The following CNTNAP2 variants were observed in gnomAD, a reference collection of about 807,000 sequenced individuals.
CNTNAP2 encodes contactin-associated protein-like 2.
CNTNAP2 carries 98 observed loss-of-function variants against 155.2 expected under a neutral mutation model. The ratio of observed to expected loss-of-function variants is 0.63; its 90% CI spans 0.54 to 0.75. The LOEUF (loss-of-function observed/expected upper bound fraction) is 0.75, where lower values mean the gene tolerates loss of function less well. Ranked by LOEUF, CNTNAP2 falls within the 30% of genes least tolerant of loss-of-function variation. CNTNAP2 has a pLI of 0.00. For missense variants in CNTNAP2, 1,727 were observed against 1,688.1 expected (o/e 1.02, Z -0.40); for synonymous variants, 651 against 631.2 (o/e 1.03, Z -0.47).
At chr7:148,101,430 G>A (rs1804097977) in intron 15 of CNTNAP2, among the ~76,000 whole-genome samples, 1 of 151,242 alleles carries the variant, frequency 6.6e-6, no homozygotes, top group Non-Finnish European at 1.5e-5. Context: ...AGATTAAGGA[G>A]AAAACCAAGT....
chr7:148,110,136 T>C (rs1453248139), intron 15 of CNTNAP2, among the ~76,000 whole-genome samples: 1 of 152,068 alleles, frequency 6.6e-6, no homozygotes. Flanking sequence ...CTAACCTTTG[T>C]ATAAGGGCAC....
intron 1 of CNTNAP2, among the ~76,000 whole-genome samples, chr7:146,293,841 A>G (rs991525268): frequency 1.1e-4 from 17 of 152,214 alleles, no homozygotes; most frequent in African/African-American, 3.6e-4. Flanking sequence ...GGTAAAAAAT[A>G]TCAACATGGA....
At chr7:147,471,614 A>G (rs71534733) in intron 10 of CNTNAP2, among the ~76,000 whole-genome samples, 27,118 of 152,240 alleles carry the variant, frequency 0.18, 3,075 homozygotes, top group Non-Finnish European at 0.25. Flanking sequence ...TAAAAAAAGA[A>G]AAGTGGTTCT....
At chr7:146,200,434 C>A (rs1008495053) in intron 1 of CNTNAP2, among the ~76,000 whole-genome samples, 3 of 151,884 alleles carry the variant, frequency 2.0e-5, no homozygotes, top group Admixed American at 2.0e-4. Context: ...GCGGAGGTTG[C>A]AGTGAGCTGA....
intron 3 of CNTNAP2, among the ~76,000 whole-genome samples, chr7:146,968,553 C>A (rs1259428335): frequency 6.6e-6 from 1 of 152,132 alleles, no homozygotes; most frequent in South Asian, 2.1e-4. Flanking sequence ...GTGTATGTGT[C>A]GAGGAATTTA....
rs184752858 is a variant in CNTNAP2, at chr7:147,587,984, C to G, written c.1897+25727C>G. Among the ~76,000 whole-genome samples, 781 of 152,196 alleles carry G rather than the reference C, an allele frequency of 5.1e-3. 7 individuals are homozygous for G. The highest frequency in any genetic ancestry group is 8.6e-3 in the Admixed American group (132 of 15,270). On this transcript the variant is annotated intron_variant, in intron 12 of 23. Coordinates refer to ENST00000361727, the MANE Select transcript of CNTNAP2 (RefSeq NM_014141.6). ...TTTGCTTTCCTGAGCCTTTGTTTTC[C>G]TGTTTAGAAAATGAGACAATTGATC...
chr7:146,444,907 T>C (rs1275542129), intron 1 of CNTNAP2, among the ~76,000 whole-genome samples: 3 of 151,828 alleles, frequency 2.0e-5, no homozygotes, highest in Non-Finnish European at 2.9e-5. Flanking sequence ...TCCACCCGCC[T>C]CGGCCTCCCA....
At chr7:148,292,182 A>G (rs1797201837) in intron 21 of CNTNAP2, among the ~76,000 whole-genome samples, 1 of 152,224 alleles carries the variant, frequency 6.6e-6, no homozygotes, top group South Asian at 2.1e-4. Flanking sequence ...AATTCTATGT[A>G]TAAGAGAGTT....
chr7:146,348,922 TTCTTA>T (rs1794870740), intron 1 of CNTNAP2, among the ~76,000 whole-genome samples: 1 of 151,592 alleles, frequency 6.6e-6, no homozygotes, highest in African/African-American at 2.4e-5. Context: ...ATAGACTTTC[TTCTTA>T]TAAGTTCATC....
intron 1 of CNTNAP2, among the ~76,000 whole-genome samples, chr7:146,661,595 C>T (rs531591605): frequency 6.6e-6 from 1 of 152,210 alleles, no homozygotes; most frequent in Admixed American, 6.5e-5. Context: ...AGTTGTATAG[C>T]ATGTATCAGT....
At chr7:148,244,961 A>T (rs1306550598) in intron 20 of CNTNAP2, among the ~76,000 whole-genome samples, 1 of 152,170 alleles carries the variant, frequency 6.6e-6, no homozygotes, top group Non-Finnish European at 1.5e-5. Flanking sequence ...AATATGATTT[A>T]TAGATTTTGA....
chr7:146,984,550 A>G (rs1390221943), intron 3 of CNTNAP2, among the ~76,000 whole-genome samples: 1 of 151,796 alleles, frequency 6.6e-6, no homozygotes, highest in Non-Finnish European at 1.5e-5. Flanking sequence ...TGGCTATAAG[A>G]CAATGTCATT....
intron 3 of CNTNAP2, among the ~76,000 whole-genome samples, chr7:146,887,983 T>G (rs1325815707): frequency 6.6e-6 from 1 of 152,180 alleles, no homozygotes; most frequent in African/African-American, 2.4e-5. Flanking sequence ...TTTGATAACC[T>G]TGATTTTTAG....
At position 148,034,613 on chromosome 7, in the gene CNTNAP2, A is replaced by G. The variant is rs150319269; in HGVS notation, c.2383+56624A>G. The stretch of plus-strand genomic sequence containing the variant: ...CAGGTATTCTGTTACAGCAGCACAA[A>G]ACAGACGAAGACAGAAAATGGGTAC... On this transcript the variant is annotated intron_variant, in intron 15 of 23. Coordinates refer to ENST00000361727, the MANE Select transcript of CNTNAP2 (RefSeq NM_014141.6). 1.8e-4 allele frequency among the ~76,000 whole-genome samples: 27 copies of G among 152,320 alleles called. No individual in the cohort carries two copies. In the East Asian group the frequency reaches 5.2e-3, roughly 29 times the overall value.
chr7:147,744,704 T>A (rs1490732809), intron 13 of CNTNAP2, among the ~76,000 whole-genome samples: 1 of 152,220 alleles, frequency 6.6e-6, no homozygotes, highest in Non-Finnish European at 1.5e-5. Context: ...TCTTCCTGGC[T>A]TGCTGACGGC....
At chr7:148,269,204 C>A (rs1423198696) in intron 21 of CNTNAP2, among the ~76,000 whole-genome samples, 1 of 152,108 alleles carries the variant, frequency 6.6e-6, no homozygotes, top group Non-Finnish European at 1.5e-5. Flanking sequence ...AAGGGTGGAA[C>A]TGGAAAACAA....
chr7:147,909,640 A>C (rs543603505), intron 14 of CNTNAP2, among the ~76,000 whole-genome samples: 12 of 152,342 alleles, frequency 7.9e-5, no homozygotes, highest in African/African-American at 2.6e-4. Flanking sequence ...CAGAATTCTA[A>C]TTACACGAGT....
chr7:146,972,018 A>G (rs1002621027), intron 3 of CNTNAP2, among the ~76,000 whole-genome samples: 2 of 151,986 alleles, frequency 1.3e-5, no homozygotes, highest in Non-Finnish European at 2.9e-5. Flanking sequence ...CTGTACTTGA[A>G]TTTTCTTAGT....
intron 5 of CNTNAP2, among the ~76,000 whole-genome samples, chr7:147,117,202 G>T (rs1176964365): frequency 6.6e-6 from 1 of 152,128 alleles, no homozygotes; most frequent in East Asian, 1.9e-4. Context: ...AGTTTGTAAA[G>T]CTCCACCCTG....
Sources: gnomAD v4.1 joint callset for allele counts (sites outside exome capture counted in the v4.1 genomes callset) on GRCh38, gnomAD v4.1.1 for gene constraint, MANE v1.5 for transcripts, NCBI Gene and HGNC (gene_info 2026-07-23, HGNC 2026-07-21) for gene names.